IFITM10: variants seen among roughly 807,000 people sequenced by gnomAD.
IFITM10 encodes interferon-induced transmembrane protein 10.
Under a neutral mutation model 19.0 loss-of-function variants are expected in IFITM10, and 17 were observed. The ratio of observed to expected loss-of-function variants is 0.90; its 90% CI spans 0.61 to 1.34. The LOEUF is 1.34. Ranked by LOEUF, IFITM10 falls within the 40% of genes most tolerant of loss-of-function variation. The pLI, the probability that IFITM10 is intolerant of heterozygous loss-of-function variation, is 0.00. For synonymous variants in IFITM10, 148 were observed against 147.2 expected (o/e 1.01, Z -0.04); for missense variants, 306 against 319.8 (o/e 0.96, Z 0.33).
intron 1 of IFITM10, among the ~76,000 whole-genome samples, chr11:1,749,976 C>A (rs1406999883): frequency 6.6e-6 from 1 of 152,084 alleles, no homozygotes; most frequent in African/African-American, 2.4e-5. Flanking sequence ...CATCTGCTCG[C>A]AGGGCAAAGT....
Position 1,735,372 on chromosome 11 carries a change from C to G in IFITM10, c.595G>C (p.Ala199Pro). ...GAACTGGTGATGTTGAACAGCCGGG[C>G]CGTCTTTGCATCCTCCACGGCTCCA... The part of the protein sequence containing the change: ...LNGAVEDAKT[A>P]RLFNITSSAL... The change falls in exon 3 of 3, where the codon GCC becomes CCC. Residue 199 changes from alanine (A) to proline (P), a missense_variant. Ala to Pro is a conservative substitution (Grantham distance 27, BLOSUM62 -1). Transcript: ENST00000340134. 6.4e-7 allele frequency: 1 copy of G among 1,551,704 alleles called. No individual in the cohort carries two copies. The highest frequency in any genetic ancestry group is 8.7e-7 in the Non-Finnish European group (1 of 1,146,976).
intron 2 of IFITM10, among the ~76,000 whole-genome samples, chr11:1,742,720 T>C (rs1344019713): frequency 2.6e-5 from 4 of 152,160 alleles, no homozygotes; most frequent in Non-Finnish European, 5.9e-5. Context: ...TGCATAAGGT[T>C]GGTGGGGACA....
At chr11:1,743,642 G>GTTCT (rs1419816633) in intron 2 of IFITM10, among the ~76,000 whole-genome samples, 1 of 152,126 alleles carries the variant, frequency 6.6e-6, no homozygotes, top group Non-Finnish European at 1.5e-5. Flanking sequence ...CACCTAACCT[G>GTTCT]TTCTTTCTGA....
intron 2 of IFITM10, among the ~76,000 whole-genome samples, chr11:1,737,155 A>G (rs1461133735): frequency 6.6e-6 from 1 of 152,232 alleles, no homozygotes; most frequent in East Asian, 1.9e-4. Flanking sequence ...CTTTGCTAAA[A>G]TAAAGTTGTA....
At chr11:1,736,538 A>G (rs1300103085) in intron 2 of IFITM10, among the ~76,000 whole-genome samples, 1 of 152,144 alleles carries the variant, frequency 6.6e-6, no homozygotes, top group Admixed American at 6.5e-5. Context: ...GTGGAATGGA[A>G]TGGAATGAAG....
chr11:1,738,172 T>C (rs903695625), intron 2 of IFITM10, among the ~76,000 whole-genome samples: 1 of 151,926 alleles, frequency 6.6e-6, no homozygotes, highest in Non-Finnish European at 1.5e-5. Flanking sequence ...GCTGGACGGA[T>C]ATAAAATGTA....
intron 1 of IFITM10, chr11:1,749,213 CCG>C: frequency 1.9e-6 from 1 of 522,782 alleles, no homozygotes; most frequent in Non-Finnish European, 2.5e-6. Flanking sequence ...GCCAGACCGG[CCG>C]CGCGGCTGCA....
At chr11:1,749,986 T>G (rs1845698931) in intron 1 of IFITM10, among the ~76,000 whole-genome samples, 3 of 152,052 alleles carry the variant, frequency 2.0e-5, no homozygotes, top group Non-Finnish European at 4.4e-5. Context: ...CAGGGCAAAG[T>G]GTCCCGTTCC....
intron 2 of IFITM10, among the ~76,000 whole-genome samples, chr11:1,741,071 G>A (rs375557366): frequency 1.6e-4 from 24 of 152,174 alleles, no homozygotes; most frequent in African/African-American, 5.8e-4. Context: ...TGCCTGTACA[G>A]CCTGCCGAAC....
chr11:1,749,044 AC>A lies in IFITM10; in HGVS notation c.85-926del, dbSNP rs1305425423. 1.1e-5 allele frequency: 12 copies of A among 1,104,558 alleles called. No individual in the cohort carries two copies. The Admixed American group carries it at 1.3e-4, about 12-fold the overall frequency. The allele number at this position is 1,104,558 out of a possible 1,614,324, so 68.4% of individuals were successfully genotyped here. A position where few individuals can be genotyped will look rare whatever the true frequency, so the allele number is the denominator to read the frequency against. ...AAGCGACTCCTCGGCGCGCGGCCGG[AC>A]CCCCTGAGCCTCGGTGCGCGCGTCC... On this transcript the variant is annotated intron_variant, in intron 1 of 2. Transcript: ENST00000340134.
At chr11:1,739,514 G>T (rs1473087418) in intron 2 of IFITM10, among the ~76,000 whole-genome samples, 1 of 152,164 alleles carries the variant, frequency 6.6e-6, no homozygotes, top group Non-Finnish European at 1.5e-5. Flanking sequence ...TACATTGTAG[G>T]GAGAAGATAC....
At chr11:1,746,099 A>T (rs1845644392) in intron 2 of IFITM10, 1 of 153,656 alleles carries the variant, frequency 6.5e-6, no homozygotes, top group African/African-American at 2.4e-5. Flanking sequence ...GCACACAGGT[A>T]CATACAGCGC....
chr11:1,735,491 C>T (rs1293741000), intron 2 of IFITM10, 62 bp from the exon 3 acceptor site: 6 of 1,487,016 alleles, frequency 4.0e-6, no homozygotes, highest in Non-Finnish European at 5.4e-6. Context: ...TTGGAGCATC[C>T]AGGAGCCCAG....
At chr11:1,738,321 T>C (rs781411295) in intron 2 of IFITM10, among the ~76,000 whole-genome samples, 2 of 152,200 alleles carry the variant, frequency 1.3e-5, no homozygotes, top group Non-Finnish European at 2.9e-5. Context: ...TTTCGTATGA[T>C]GTGTTTTTCA....
In IFITM10 at chr11:1,748,032, C is replaced by A; in HGVS notation, c.172G>T (p.Gly58Trp). The stretch of plus-strand genomic sequence containing the variant: ...GGGGGCCTCGGAATCCAGAAGGCCC[C>A]GTCCAGGGGGACTCGGGCTTCCTGG... ...GAQEARVPLD[G>W]AFWIPRPPAG... Residue 58 changes from glycine to tryptophan, a missense_variant, in exon 2 of 3, where the codon GGG becomes TGG. By Grantham distance (184) the Gly-to-Trp change is radical (BLOSUM62 -2). Transcript: ENST00000340134. 7 of 1,428,324 alleles carry A rather than the reference C, an allele frequency of 4.9e-6. No individual in the cohort carries two copies. Among genetic ancestry groups the A allele is most frequent in the Non-Finnish European group, 6.4e-6 (7 of 1,095,804 alleles). The allele number at this position is 1,428,324 out of a possible 1,614,324, so 88.5% of individuals were successfully genotyped here.
At position 1,750,494 on chromosome 11, in the gene IFITM10, C is replaced by A; in HGVS notation, c.-52G>T. On this transcript the variant is annotated 5_prime_UTR_variant, in exon 1 of 3. Transcript: ENST00000340134. ...AAACTCCTTTCTCCTCTGCCACTCT[C>A]AACTGGCCTCCTGTGTCTCCGCAAC... is the stretch of plus-strand genomic sequence containing the variant. 1 of 1,548,408 alleles carries A rather than the reference C, an allele frequency of 6.5e-7. No individual in the cohort carries two copies. The highest frequency in any genetic ancestry group is 8.7e-7 in the Non-Finnish European group (1 of 1,145,550).
chr11:1,735,361 G>A lies in IFITM10; in HGVS notation c.606C>T (p.Phe202=). ...AVEDAKTARL[F]NITSSALAAS... ...CTGCCAGGGCAGAACTGGTGATGTTGAACAGCCGGGCCGTCTTTGCATCCT... is the reference window on the plus strand; with the variant it reads ...CTGCCAGGGCAGAACTGGTGATGTTAAACAGCCGGGCCGTCTTTGCATCCT... The change falls in exon 3 of 3, where the codon TTC becomes TTT. Residue 202 remains phenylalanine, a synonymous_variant. Transcript: ENST00000340134. 1.3e-6 allele frequency: 2 copies of A among 1,551,730 alleles called. No individual in the cohort carries two copies. Among genetic ancestry groups the A allele is most frequent in the Non-Finnish European group, 1.7e-6 (2 of 1,146,986 alleles).
chr11:1,745,565 A>G (rs548315607), intron 2 of IFITM10: 1 of 152,562 alleles, frequency 6.6e-6, no homozygotes, highest in Non-Finnish European at 1.5e-5. Context: ...CGTACCATGC[A>G]CACTCACGTA....
intron 2 of IFITM10, among the ~76,000 whole-genome samples, chr11:1,740,902 T>C (rs1393674485): frequency 6.6e-6 from 1 of 151,666 alleles, no homozygotes; most frequent in East Asian, 1.9e-4. Flanking sequence ...TGCTTTAAAG[T>C]GTGAGGTGCC....
Sources: allele counts gnomAD v4.1 joint callset (sites outside exome capture counted in the v4.1 genomes callset), GRCh38; gene constraint gnomAD v4.1.1; transcripts MANE v1.5; gene names NCBI Gene and HGNC (gene_info 2026-07-23, HGNC 2026-07-21).